The following APBB2 variants were observed in gnomAD, a reference collection of about 807,000 sequenced individuals.
APBB2 encodes amyloid beta precursor protein binding family B member 2.
In APBB2, 38 loss-of-function variants were observed where a neutral mutation model predicts 82.5. The ratio of observed to expected loss-of-function variants is 0.46; its 90% CI spans 0.36 to 0.60. The LOEUF is 0.60. APBB2 is among the 20% of genes least tolerant of loss of function. APBB2 has a pLI of 0.00. For synonymous variants in APBB2, 341 were observed against 368.2 expected (o/e 0.93, Z 0.85); for missense variants, 772 against 972.3 (o/e 0.79, Z 2.74).
At chr4:41,064,205 C>A (rs1228312321) in intron 4 of APBB2, among the ~76,000 whole-genome samples, 1 of 151,268 alleles carries the variant, frequency 6.6e-6, no homozygotes, top group Non-Finnish European at 1.5e-5. Flanking sequence ...GTCTCCATCT[C>A]CTGATCTTGT....
chr4:40,856,041 T>C (rs1761087472), intron 12 of APBB2, among the ~76,000 whole-genome samples: 2 of 152,220 alleles, frequency 1.3e-5, no homozygotes, highest in Admixed American at 1.3e-4. Context: ...AAACTACTCT[T>C]GTGTAAGAGC....
chr4:40,861,027 A>C (rs1762623842), intron 12 of APBB2, among the ~76,000 whole-genome samples: 1 of 152,174 alleles, frequency 6.6e-6, no homozygotes, highest in Admixed American at 6.5e-5. Context: ...CAGCTGGGCA[A>C]TATAGCGAGA....
chr4:40,912,253 A>T (rs1394924196), intron 10 of APBB2, among the ~76,000 whole-genome samples: 1 of 152,088 alleles, frequency 6.6e-6, no homozygotes, highest in Non-Finnish European at 1.5e-5. Context: ...CTTCTTAGAT[A>T]CCCCTAACCC....
chr4:41,092,062 A>C (rs933448831), intron 3 of APBB2, among the ~76,000 whole-genome samples: 3 of 152,250 alleles, frequency 2.0e-5, no homozygotes, highest in Admixed American at 2.0e-4. Context: ...GTCCAGATCA[A>C]AATGCAGCCA....
intron 3 of APBB2, among the ~76,000 whole-genome samples, chr4:41,084,456 T>C (rs1285884630): frequency 6.6e-6 from 1 of 152,112 alleles, no homozygotes; most frequent in Non-Finnish European, 1.5e-5. Context: ...AAGAAATGGC[T>C]TGATTCGCAA....
chr4:41,081,963 T>C (rs1425009692), intron 3 of APBB2, among the ~76,000 whole-genome samples: 2 of 152,066 alleles, frequency 1.3e-5, no homozygotes, highest in African/African-American at 2.4e-5. Context: ...ATACAGCAGA[T>C]TGTAGTAGGT....
At chr4:41,118,966 C>T (rs1013878139) in intron 2 of APBB2, among the ~76,000 whole-genome samples, 2 of 151,922 alleles carry the variant, frequency 1.3e-5, no homozygotes, top group African/African-American at 2.4e-5. Context: ...ACAGCGAAAC[C>T]CCAACTCTAC....
intron 10 of APBB2, among the ~76,000 whole-genome samples, chr4:40,914,894 AG>A (rs1490128405): frequency 6.6e-6 from 1 of 152,188 alleles, no homozygotes; most frequent in Non-Finnish European, 1.5e-5. Context: ...TGCAGGCACT[AG>A]AAACCATGAG....
intron 1 of APBB2, among the ~76,000 whole-genome samples, chr4:41,159,949 G>GAGA (rs1302292464): frequency 1.7e-5 from 1 of 59,036 alleles, no homozygotes. Flanking sequence ...GGAGGAGAAG[G>GAGA]AGAAGGAGAA....
At chr4:41,021,268 G>A (rs191305014) in intron 5 of APBB2, among the ~76,000 whole-genome samples, 5 of 152,278 alleles carry the variant, frequency 3.3e-5, no homozygotes, top group East Asian at 3.9e-4. Context: ...CCCGGTCTTC[G>A]CCCCTATCCA....
intron 6 of APBB2, among the ~76,000 whole-genome samples, chr4:40,961,667 TAAAAAAAA>T (rs60942744): frequency 1.3e-3 from 91 of 68,236 alleles, no homozygotes; most frequent in African/African-American, 1.9e-3. Flanking sequence ...AAAAAAGATG[TAAAAAAAA>T]AAAAAAAAAA....
chr4:41,035,705 G>A (rs752035596), intron 4 of APBB2, among the ~76,000 whole-genome samples: 1 of 152,174 alleles, frequency 6.6e-6, no homozygotes, highest in Non-Finnish European at 1.5e-5. Context: ...CTACATCCAT[G>A]CATTCAACCA....
rs10666351 is a variant in APBB2, at chr4:41,132,068, A to AT, written c.-261+10918_-261+10919insA. Reference sequence around the variant, plus strand: ...AATAAATAAATAAATAAATAAATAAAAAGTAAAAATAAAACTTCAAGTATT... The same window carrying AT: ...AATAAATAAATAAATAAATAAATAAATAAGTAAAAATAAAACTTCAAGTATT... On this transcript the variant is annotated intron_variant, in intron 2 of 17. Transcript: ENST00000508593. Among the ~76,000 whole-genome samples, 16 of 149,814 alleles carry AT rather than the reference A, an allele frequency of 1.1e-4. 1 individual carries two copies. In the East Asian group the frequency reaches 3.1e-3, roughly 29 times the overall value.
chr4:41,047,236 G>A (rs146769398), intron 4 of APBB2, among the ~76,000 whole-genome samples: 4 of 152,352 alleles, frequency 2.6e-5, no homozygotes, highest in African/African-American at 9.6e-5. Flanking sequence ...CTCCATTTCT[G>A]TTCTCCTATA....
rs186975330 is a variant in APBB2 at position 40,857,303 on chromosome 4, G to T, written c.1530-26726C>A. 1,227 of 405,794 alleles carry T rather than the reference G, an allele frequency of 3.0e-3. 18 individuals are homozygous for T. The highest frequency in any genetic ancestry group is 0.026 in the African/African-American group (1,185 of 46,274). 25.1% of individuals were successfully genotyped at this position (405,794 alleles called of 1,614,324 possible). On this transcript the variant is annotated intron_variant, in intron 12 of 17. Coordinates refer to ENST00000508593, the MANE Select transcript of APBB2 (RefSeq NM_004307.2). ...CTAGGTGCTCCCGCCAGATGCTCCA[G>T]CTGCTAGGGGACTGGCTCAGGGCCG...
At chr4:41,043,685 T>C (rs192397051) in intron 4 of APBB2, among the ~76,000 whole-genome samples, 1 of 152,290 alleles carries the variant, frequency 6.6e-6, no homozygotes, top group East Asian at 1.9e-4. Flanking sequence ...GTAAACAAAC[T>C]CTTGAATTTA....
intron 10 of APBB2, among the ~76,000 whole-genome samples, chr4:40,895,714 C>T (rs1477689670): frequency 6.6e-6 from 1 of 152,246 alleles, no homozygotes; most frequent in East Asian, 1.9e-4. Flanking sequence ...GTTCCCAACC[C>T]AGGCCCTAGT....
intron 3 of APBB2, among the ~76,000 whole-genome samples, chr4:41,079,939 A>T (rs1014748371): frequency 2.0e-5 from 3 of 152,154 alleles, no homozygotes; most frequent in Non-Finnish European, 4.4e-5. Context: ...TCACTTTGGA[A>T]ATGTAAGCAG....
intron 7 of APBB2, 62 bp from the exon 8 acceptor site, chr4:40,935,201 A>G: frequency 8.9e-7 from 1 of 1,118,182 alleles, no homozygotes; most frequent in Non-Finnish European, 1.2e-6. Flanking sequence ...AGAAAAGAAA[A>G]GAAAAAAAAA....
Sources: allele counts gnomAD v4.1 joint callset (sites outside exome capture counted in the v4.1 genomes callset), GRCh38; gene constraint gnomAD v4.1.1; transcripts MANE v1.5; gene names NCBI Gene and HGNC (gene_info 2026-07-23, HGNC 2026-07-21).